TMEM167A: variants seen among roughly 807,000 people sequenced by gnomAD.
The protein encoded by TMEM167A is transmembrane protein 167A, also known as protein kish-A.
In TMEM167A, 8 loss-of-function variants were observed where a neutral mutation model predicts 11.6. The ratio of observed to expected loss-of-function variants is 0.69; its 90% CI spans 0.40 to 1.24. The LOEUF (loss-of-function observed/expected upper bound fraction) is 1.24. Ranked by LOEUF, TMEM167A falls within the 50% of genes most tolerant of loss-of-function variation. The probability of loss-of-function intolerance (pLI) is 0.01; values close to 1 mark genes in which losing one functional copy is unlikely to be tolerated. For synonymous variants in TMEM167A, 22 were observed against 28.0 expected (o/e 0.79, Z 0.67); for missense variants, 62 against 87.0 (o/e 0.71, Z 1.14).
intron 1 of TMEM167A, among the ~76,000 whole-genome samples, chr5:83,074,225 T>C (rs1213003169): frequency 2.0e-5 from 3 of 152,234 alleles, no homozygotes; most frequent in African/African-American, 7.2e-5. Context: ...CATGCAACTA[T>C]TGAACTTCAT....
At chr5:83,062,558 T>A (rs760978045) in intron 2 of TMEM167A, among the ~76,000 whole-genome samples, 2 of 152,092 alleles carry the variant, frequency 1.3e-5, no homozygotes, top group African/African-American at 4.8e-5. Context: ...AATGGAGATA[T>A]ATATTTCAAC....
chr5:83,066,197 T>C (rs559655633), intron 1 of TMEM167A, among the ~76,000 whole-genome samples: 138 of 152,282 alleles, frequency 9.1e-4, no homozygotes, highest in African/African-American at 3.2e-3. Context: ...AATAACATTT[T>C]CATCATATAC....
At position 83,066,470 on chromosome 5, in the gene TMEM167A, C is replaced by G. The variant is rs1259394270; in HGVS notation, c.4-1353G>C. ...ATAATTAAAATATATAAATCAATAG[C>G]CTTCATAATCATATTATCATTCAGG... On this transcript the variant is annotated intron_variant, in intron 1 of 3. Coordinates refer to ENST00000502346, the MANE Select transcript of TMEM167A (RefSeq NM_174909.5). Among the ~76,000 whole-genome samples, 3 of 151,958 alleles carry G rather than the reference C, an allele frequency of 2.0e-5. No individual in the cohort carries two copies. The South Asian group carries it at 6.2e-4, about 32-fold the overall frequency.
rs749390246 is a variant in TMEM167A, at chr5:83,061,917, T to C, written c.114-6A>G. 3 of 1,611,562 alleles carry C rather than the reference T, an allele frequency of 1.9e-6. No individual in the cohort carries two copies. Among genetic ancestry groups the C allele is most frequent in the African/African-American group, 2.7e-5 (2 of 74,814 alleles). ...TCCAAAATATACCCAACAATCTGCA[T>C]AGAATAAAAAAAGAAAAAAAGTAGC... On this transcript the variant is annotated splice_region_variant and splice_polypyrimidine_tract_variant and intron_variant, in intron 2 of 3. Coordinates refer to ENST00000502346, the MANE Select transcript of TMEM167A (RefSeq NM_174909.5).
chr5:83,063,869 A>G (rs1162183071), intron 2 of TMEM167A, among the ~76,000 whole-genome samples: 1 of 151,752 alleles, frequency 6.6e-6, no homozygotes, highest in East Asian at 1.9e-4. Flanking sequence ...GCTTAGTTCT[A>G]TATTATTTGA....
chr5:83,061,025 AACC>A (rs2112240338), intron 3 of TMEM167A, among the ~76,000 whole-genome samples: 1 of 152,348 alleles, frequency 6.6e-6, no homozygotes, highest in South Asian at 2.1e-4. Flanking sequence ...GTTGTAAGAC[AACC>A]ACATCTACCT....
chr5:83,064,013 T>G (rs1744443649), intron 2 of TMEM167A, among the ~76,000 whole-genome samples: 1 of 152,060 alleles, frequency 6.6e-6, no homozygotes, highest in African/African-American at 2.4e-5. Flanking sequence ...CATAAAAACA[T>G]GTAATTTTAA....
At chr5:83,066,380 G>C (rs1278361991) in intron 1 of TMEM167A, among the ~76,000 whole-genome samples, 1 of 152,112 alleles carries the variant, frequency 6.6e-6, no homozygotes, top group Non-Finnish European at 1.5e-5. Flanking sequence ...TACTTGAAAA[G>C]TCCTAAAGAA....
At chr5:83,071,305 T>C (rs1470248020) in intron 1 of TMEM167A, 3 of 152,138 alleles carry the variant, frequency 2.0e-5, no homozygotes, top group African/African-American at 7.2e-5. Flanking sequence ...AAAATTAATA[T>C]AAAAGACAAC....
At chr5:83,059,340 C>T (rs1234344137) in intron 3 of TMEM167A, among the ~76,000 whole-genome samples, 4 of 152,016 alleles carry the variant, frequency 2.6e-5, no homozygotes, top group Non-Finnish European at 5.9e-5. Flanking sequence ...TGGAACTGTA[C>T]ACACTTCTCT....
intron 1 of TMEM167A, among the ~76,000 whole-genome samples, chr5:83,073,564 C>T (rs376553613): frequency 1.2e-4 from 18 of 152,174 alleles, no homozygotes; most frequent in Non-Finnish European, 1.8e-4. Flanking sequence ...TCAGTGTTGA[C>T]GGTGCCGGGA....
intron 3 of TMEM167A, among the ~76,000 whole-genome samples, chr5:83,058,096 C>T (rs1744357370): frequency 1.3e-5 from 2 of 152,066 alleles, no homozygotes; most frequent in African/African-American, 4.8e-5. Context: ...CTGTGCTTTT[C>T]CATGATGTTT....
chr5:83,062,960 C>T (rs111837045), intron 2 of TMEM167A, among the ~76,000 whole-genome samples: 397 of 151,534 alleles, frequency 2.6e-3, no homozygotes, highest in African/African-American at 8.9e-3. Flanking sequence ...TATGTTCCTC[C>T]TCTGAAGTAT....
Position 83,053,328 on chromosome 5 carries a change from G to C in TMEM167A, c.*3756C>G, listed in dbSNP as rs187025441. The C allele has an allele frequency of 6.6e-6, 1 of 151,784 alleles. No homozygotes were observed. The highest frequency in any genetic ancestry group is 6.6e-5 in the Admixed American group (1 of 15,208). The allele number at this position is 151,784 out of a possible 1,614,324, so 9.4% of individuals were successfully genotyped here. On this transcript the variant is annotated 3_prime_UTR_variant, in exon 4 of 4. Transcript: ENST00000502346. Reference sequence around the variant, plus strand: ...GTAAATGCAACCATCACTGCTTCTTGTGCAGGTGTGTGCTTTAACAATCAG... The same window carrying C: ...GTAAATGCAACCATCACTGCTTCTTCTGCAGGTGTGTGCTTTAACAATCAG...
Position 83,054,221 on chromosome 5 carries a change from T to C in TMEM167A, c.*2863A>G, listed in dbSNP as rs1744296967. ...GAACATATAAAAGCATTCAAGATAGTGTCTGGCACAGTAGAACAGGGATTA... is the reference window on the plus strand; with the variant it reads ...GAACATATAAAAGCATTCAAGATAGCGTCTGGCACAGTAGAACAGGGATTA... On this transcript the variant is annotated 3_prime_UTR_variant, in exon 4 of 4. Coordinates refer to ENST00000502346, the MANE Select transcript of TMEM167A (RefSeq NM_174909.5). The C allele has an allele frequency of 6.6e-6, 1 of 151,984 alleles. No homozygotes were observed. Among genetic ancestry groups the C allele is most frequent in the South Asian group, 2.1e-4 (1 of 4,832 alleles). The allele number at this position is 151,984 out of a possible 1,614,324, so 9.4% of individuals were successfully genotyped here.
chr5:83,065,318 A>G (rs1744466358), intron 1 of TMEM167A, among the ~76,000 whole-genome samples: 1 of 152,054 alleles, frequency 6.6e-6, no homozygotes, highest in Non-Finnish European at 1.5e-5. Context: ...TTATGGCCTT[A>G]GCAGAATTAC....
At chr5:83,069,100 A>G (rs183555282) in intron 1 of TMEM167A, among the ~76,000 whole-genome samples, 99 of 152,316 alleles carry the variant, frequency 6.5e-4, no homozygotes, top group African/African-American at 1.9e-3. Context: ...ACCATTTACA[A>G]GTATGAAATA....
chr5:83,058,568 A>T (rs1744364677), intron 3 of TMEM167A, among the ~76,000 whole-genome samples: 1 of 152,120 alleles, frequency 6.6e-6, no homozygotes, highest in Admixed American at 6.6e-5. Flanking sequence ...CCATTTGTAA[A>T]TAAATTTCAG....
At chr5:83,061,683 C>G (rs552400956) in intron 3 of TMEM167A, among the ~76,000 whole-genome samples, 194 bp downstream of exon 3, 1 of 152,308 alleles carries the variant, frequency 6.6e-6, no homozygotes, top group South Asian at 2.1e-4. Flanking sequence ...GCGTGAGCCA[C>G]CACGCCTGGC....
Sources: allele counts gnomAD v4.1 joint callset (sites outside exome capture counted in the v4.1 genomes callset), GRCh38; gene constraint gnomAD v4.1.1; transcripts MANE v1.5; gene names NCBI Gene and HGNC (gene_info 2026-07-23, HGNC 2026-07-21).